The following TBC1D5 variants were observed in gnomAD, a reference collection of about 807,000 sequenced individuals.
TBC1D5 encodes the protein TBC1 domain family, member 5.
In TBC1D5, 75 loss-of-function variants were observed where a neutral mutation model predicts 100.3. The observed-to-expected ratio is 0.75, with a 90% CI of 0.62 to 0.91. The LOEUF is 0.91. Ranked by LOEUF, TBC1D5 falls within the 40% of genes least tolerant of loss-of-function variation. The probability of loss-of-function intolerance (pLI) is 0.00; values close to 1 mark genes in which losing one functional copy is unlikely to be tolerated. For synonymous variants in TBC1D5, 323 were observed against 325.6 expected (o/e 0.99, Z 0.09); for missense variants, 910 against 942.4 (o/e 0.97, Z 0.45).
At chr3:17,614,860 T>C (rs2062010709) in intron 2 of TBC1D5, among the ~76,000 whole-genome samples, 1 of 152,320 alleles carries the variant, frequency 6.6e-6, no homozygotes, top group African/African-American at 2.4e-5. Context: ...CTTTTCCTAA[T>C]TGAATATCCT....
chr3:17,741,227 GC>G (rs1471081185), upstream of TBC1D5, among the ~76,000 whole-genome samples: 2 of 152,160 alleles, frequency 1.3e-5, no homozygotes, highest in Non-Finnish European at 2.9e-5. Flanking sequence ...TTTAATAAGA[GC>G]CCCAAGTGAT....
Position 17,406,422 on chromosome 3 carries a change from C to T in TBC1D5, c.272G>A (p.Trp91Ter), listed in dbSNP as rs761149374. 1 of 1,604,908 alleles carries T rather than the reference C, an allele frequency of 6.2e-7. No individual in the cohort carries two copies. The highest frequency in any genetic ancestry group is 8.5e-7 in the Non-Finnish European group (1 of 1,176,858). The change falls in exon 5 of 22, where the codon TGG becomes TAG. Residue 91 changes from tryptophan (W) to a stop codon, truncating the protein, a stop_gained. Transcript: ENST00000253692. LOFTEE classifies it high-confidence loss of function. The stretch of plus-strand genomic sequence containing the variant: ...AAATAAATATTTTCTTCTTACCTTC[C>T]AGCAAATGCTGCGGAACCTGCTGCT...
chr3:17,228,045 A>G (rs1349202772), intron 17 of TBC1D5, among the ~76,000 whole-genome samples: 2 of 151,982 alleles, frequency 1.3e-5, no homozygotes, highest in African/African-American at 2.4e-5. Flanking sequence ...TTGGTGGTTG[A>G]TGGCAGTTAC....
intron 13 of TBC1D5, among the ~76,000 whole-genome samples, chr3:17,309,007 T>A (rs2083699000): frequency 6.6e-6 from 1 of 152,106 alleles, no homozygotes; most frequent in African/African-American, 2.4e-5. Flanking sequence ...TTTCCTTACA[T>A]AAGTCTTTTT....
At chr3:17,310,212 C>T (rs2083865265) in intron 13 of TBC1D5, among the ~76,000 whole-genome samples, 1 of 152,086 alleles carries the variant, frequency 6.6e-6, no homozygotes, top group Admixed American at 6.6e-5. Flanking sequence ...TACACATATG[C>T]AGCAATCTTC....
chr3:17,538,369 G>A (rs564217331), intron 2 of TBC1D5, among the ~76,000 whole-genome samples: 4 of 152,222 alleles, frequency 2.6e-5, no homozygotes, highest in South Asian at 2.1e-4. Context: ...CAATGGGAAC[G>A]CTCGACAGGT....
At chr3:17,648,322 C>A (rs576978702) in intron 1 of TBC1D5, among the ~76,000 whole-genome samples, 5 of 152,168 alleles carry the variant, frequency 3.3e-5, no homozygotes, top group African/African-American at 1.2e-4. Flanking sequence ...ACACAAAAAT[C>A]AACTCAAGGT....
chr3:17,226,092 G>C (rs1367488086), intron 17 of TBC1D5, among the ~76,000 whole-genome samples: 1 of 151,208 alleles, frequency 6.6e-6, no homozygotes, highest in Non-Finnish European at 1.5e-5. Context: ...GGTACCTGGA[G>C]TAGTCTTGTC....
At chr3:17,624,179 C>A (rs764647772) in intron 1 of TBC1D5, among the ~76,000 whole-genome samples, 1 of 152,148 alleles carries the variant, frequency 6.6e-6, no homozygotes, top group Non-Finnish European at 1.5e-5. Flanking sequence ...TTACACACGA[C>A]ATATTACCCT....
chr3:17,639,429 C>CTACA (rs2064286028), intron 1 of TBC1D5, among the ~76,000 whole-genome samples: 1 of 151,140 alleles, frequency 6.6e-6, no homozygotes, highest in Non-Finnish European at 1.5e-5. Flanking sequence ...TGAAAATGTT[C>CTACA]TACAGCTGAG....
At chr3:17,246,942 G>A (rs749402655) in intron 16 of TBC1D5, among the ~76,000 whole-genome samples, 8 of 152,158 alleles carry the variant, frequency 5.3e-5, no homozygotes, top group Non-Finnish European at 8.8e-5. Context: ...TGATAAAAGC[G>A]TCTTTATATA....
intron 13 of TBC1D5, among the ~76,000 whole-genome samples, chr3:17,362,334 A>G (rs114989619): frequency 0.022 from 3,422 of 152,294 alleles, 124 homozygotes; most frequent in African/African-American, 0.077. Flanking sequence ...ATGAAATGAC[A>G]AGTTTCAGAT....
At chr3:17,409,654 C>T (rs1028404038) in intron 4 of TBC1D5, among the ~76,000 whole-genome samples, 5 of 151,950 alleles carry the variant, frequency 3.3e-5, no homozygotes, top group African/African-American at 7.3e-5. Context: ...GATGAGAAAG[C>T]AAAACAGTCT....
At position 17,539,042 on chromosome 3, in the gene TBC1D5, G is replaced by C. The variant is rs542118485; in HGVS notation, c.-35-30437C>G. 2.0e-5 allele frequency among the ~76,000 whole-genome samples: 3 copies of C among 152,214 alleles called. No individual in the cohort carries two copies. In the East Asian group the frequency reaches 5.8e-4, roughly 29 times the overall value. ...ACTAAAAATACAAAAAATTAGCCAG[G>C]CATGATGGTGCATGCCTGTAATTCC... On this transcript the variant is annotated intron_variant, in intron 2 of 21. Transcript: ENST00000253692.
chr3:17,393,569 A>G (rs946806561), intron 8 of TBC1D5, among the ~76,000 whole-genome samples: 3 of 152,166 alleles, frequency 2.0e-5, no homozygotes, highest in Non-Finnish European at 4.4e-5. Flanking sequence ...CCTGACTTCA[A>G]ACTATACTAC....
intron 13 of TBC1D5, among the ~76,000 whole-genome samples, chr3:17,369,056 T>G (rs1051396620): frequency 6.6e-6 from 1 of 152,188 alleles, no homozygotes; most frequent in Non-Finnish European, 1.5e-5. Flanking sequence ...TTCATTTCCA[T>G]GAGATACAAA....
intron 1 of TBC1D5, among the ~76,000 whole-genome samples, chr3:17,694,229 C>T (rs983006733): frequency 2.6e-5 from 4 of 152,194 alleles, no homozygotes; most frequent in African/African-American, 9.6e-5. Context: ...TGGAATAAAG[C>T]TGTACAGAGA....
intron 1 of TBC1D5, among the ~76,000 whole-genome samples, chr3:17,639,479 A>C (rs1170663067): frequency 3.3e-5 from 5 of 152,008 alleles, no homozygotes; most frequent in Non-Finnish European, 4.4e-5. Flanking sequence ...AAAAAAAAAA[A>C]ACTATGAATT....
chr3:17,377,704 A>G (rs750859464), intron 9 of TBC1D5, among the ~76,000 whole-genome samples: 1 of 152,032 alleles, frequency 6.6e-6, no homozygotes, highest in Non-Finnish European at 1.5e-5. Context: ...GTAGTACTGT[A>G]CTATTCTTAG....
Sources: allele counts gnomAD v4.1 joint callset (sites outside exome capture counted in the v4.1 genomes callset), GRCh38; gene constraint gnomAD v4.1.1; transcripts MANE v1.5; gene names NCBI Gene and HGNC (gene_info 2026-07-23, HGNC 2026-07-21).